Variants in ABTB3 observed in about 807,000 individuals in gnomAD.
ABTB3 encodes ankyrin repeat and BTB domain containing 3, also known as ankyrin repeat- and BTB/POZ domain-containing protein 3.
chr12:107,389,667 T>G, the ABTB3 span, among the ~76,000 whole-genome samples: 1 of 151,772 alleles, frequency 6.6e-6, no homozygotes, highest in Non-Finnish European at 1.5e-5. Context: ...AAATTCCGAG[T>G]GTTGACTGAG....
chr12:107,637,518 A>G, the ABTB3 span, among the ~76,000 whole-genome samples: 1 of 152,260 alleles, frequency 6.6e-6, no homozygotes, highest in African/African-American at 2.4e-5. Context: ...GATATAAAAG[A>G]AAAAGCATCA....
the ABTB3 span, among the ~76,000 whole-genome samples, chr12:107,485,666 A>G: frequency 6.6e-6 from 1 of 152,198 alleles, no homozygotes; most frequent in African/African-American, 2.4e-5. Context: ...GTAGGGCAAT[A>G]AATGGGATCA....
chr12:107,388,714 C>T, the ABTB3 span, among the ~76,000 whole-genome samples: 105 of 152,324 alleles, frequency 6.9e-4, no homozygotes, highest in African/African-American at 1.9e-3. Context: ...AGCAGGTCTC[C>T]GTTGGGTGTT....
At chr12:107,580,167 T>C in the ABTB3 span, among the ~76,000 whole-genome samples, 4 of 152,190 alleles carry the variant, frequency 2.6e-5, no homozygotes, top group African/African-American at 4.8e-5. Flanking sequence ...ACCCTCCAGA[T>C]AATTCTGATG....
the ABTB3 span, among the ~76,000 whole-genome samples, chr12:107,644,254 C>T: frequency 6.6e-6 from 1 of 152,222 alleles, no homozygotes; most frequent in African/African-American, 2.4e-5. Flanking sequence ...ACAGTTCTCA[C>T]ATCTTGAGCA....
At chr12:107,522,778 GGAAA>G in the ABTB3 span, among the ~76,000 whole-genome samples, 2 of 139,344 alleles carry the variant, frequency 1.4e-5, no homozygotes, top group African/African-American at 5.3e-5. Context: ...AAGGAAAGAA[GGAAA>G]GAAGGAAGGG....
chr12:107,530,547 A>G, the ABTB3 span, among the ~76,000 whole-genome samples: 1 of 152,176 alleles, frequency 6.6e-6, no homozygotes, highest in Admixed American at 6.5e-5. Context: ...TCTCCCTGGT[A>G]TTTACTTAGT....
the ABTB3 span, among the ~76,000 whole-genome samples, chr12:107,632,845 C>G: frequency 6.6e-6 from 1 of 152,198 alleles, no homozygotes; most frequent in African/African-American, 2.4e-5. Context: ...TCCTTGCTGA[C>G]TGTTGGTGTC....
the ABTB3 span, among the ~76,000 whole-genome samples, chr12:107,321,524 T>C: frequency 2.0e-5 from 3 of 151,948 alleles, no homozygotes; most frequent in Non-Finnish European, 4.4e-5. Flanking sequence ...TCGGAGACTC[T>C]TCGGGATCTC....
chr12:107,520,979 C>T, the ABTB3 span, among the ~76,000 whole-genome samples: 1 of 152,116 alleles, frequency 6.6e-6, no homozygotes, highest in Non-Finnish European at 1.5e-5. Flanking sequence ...AAGGTGTCTA[C>T]CTAAATAACA....
the ABTB3 span, among the ~76,000 whole-genome samples, chr12:107,623,555 CAG>C: frequency 2.0e-5 from 3 of 151,854 alleles, no homozygotes; most frequent in Admixed American, 6.6e-5. Context: ...TTGGTAGAGA[CAG>C]AGTTTTACCA....
At chr12:107,556,809 G>A in the ABTB3 span, among the ~76,000 whole-genome samples, 3 of 151,944 alleles carry the variant, frequency 2.0e-5, no homozygotes, top group South Asian at 2.1e-4. Flanking sequence ...TCAGGAGTTC[G>A]AGACCAGTCT....
At chr12:107,341,005 T>C in the ABTB3 span, among the ~76,000 whole-genome samples, 22 of 152,054 alleles carry the variant, frequency 1.4e-4, no homozygotes, top group Admixed American at 1.4e-3. Context: ...TCTAGGATGA[T>C]GTGAGATGTA....
chr12:107,462,718 AGTG>A, the ABTB3 span, among the ~76,000 whole-genome samples: 1 of 150,440 alleles, frequency 6.6e-6, no homozygotes. Context: ...TGATGATAAT[AGTG>A]GTGACAGTGA....
chr12:107,512,126 C>T, the ABTB3 span, among the ~76,000 whole-genome samples: 1 of 152,136 alleles, frequency 6.6e-6, no homozygotes, highest in Non-Finnish European at 1.5e-5. Flanking sequence ...CAGCCATGAT[C>T]CCCTAAATCC....
At chr12:107,658,033 C>T in the ABTB3 span, 2 of 367,174 alleles carry the variant, frequency 5.4e-6, no homozygotes, top group Non-Finnish European at 1.0e-5. Context: ...AAAGGTCACT[C>T]AGGTTCCAGG....
chr12:107,648,895 C>T, the ABTB3 span, among the ~76,000 whole-genome samples: 2 of 144,706 alleles, frequency 1.4e-5, no homozygotes, highest in Non-Finnish European at 3.0e-5. Flanking sequence ...ATGGAAAAGC[C>T]GTCATGAGGA....
At chr12:107,341,179 A>G in the ABTB3 span, among the ~76,000 whole-genome samples, 1 of 152,210 alleles carries the variant, frequency 6.6e-6, no homozygotes, top group Non-Finnish European at 1.5e-5. Flanking sequence ...CTGCAGGTGC[A>G]GACAGGGATT....
chr12:107,353,296 G>C, the ABTB3 span, among the ~76,000 whole-genome samples: 138,857 of 152,238 alleles, frequency 0.91, 63,478 homozygotes, highest in African/African-American at 0.97. Flanking sequence ...CATGTGAGCC[G>C]TCAAGGAACT....
Sources: gnomAD v4.1 joint callset for allele counts (sites outside exome capture counted in the v4.1 genomes callset) on GRCh38, gnomAD v4.1.1 for gene constraint, MANE v1.5 for transcripts, NCBI Gene and HGNC (gene_info 2026-07-23, HGNC 2026-07-21) for gene names.